Variants in DCDC2C observed in about 807,000 individuals in gnomAD.
DCDC2C encodes doublecortin domain containing 2C.
Under a neutral mutation model 45.0 loss-of-function variants are expected in DCDC2C, and 44 were observed. The ratio of observed to expected loss-of-function variants is 0.98; its 90% CI spans 0.77 to 1.26. DCDC2C has a LOEUF of 1.26. Among genes scored for constraint, DCDC2C ranks in the 50% most tolerant of loss-of-function variants. The probability of loss-of-function intolerance (pLI) is 0.00; values close to 1 mark genes in which losing one functional copy is unlikely to be tolerated. For synonymous variants in DCDC2C, 187 were observed against 178.8 expected, an observed-to-expected ratio of 1.05 and a Z score of -0.37; for missense variants, 447 against 468.9, an observed-to-expected ratio of 0.95 and a Z score of 0.43.
At chr2:3,806,892 G>A (rs1671262799) in intron 10 of DCDC2C, among the ~76,000 whole-genome samples, 1 of 152,092 alleles carries the variant, frequency 6.6e-6, no homozygotes, top group African/African-American at 2.4e-5. Flanking sequence ...CTGGGTAGGT[G>A]ATGCTTCCAG....
chr2:3,723,307 T>G (rs1479680451), intron 2 of DCDC2C, among the ~76,000 whole-genome samples: 1 of 152,116 alleles, frequency 6.6e-6, no homozygotes, highest in Non-Finnish European at 1.5e-5. Flanking sequence ...AGAGGCAGGA[T>G]GAAGTGCTTG....
chr2:3,794,527 C>G (rs977681384), intron 10 of DCDC2C, among the ~76,000 whole-genome samples: 1 of 152,172 alleles, frequency 6.6e-6, no homozygotes, highest in Non-Finnish European at 1.5e-5. Flanking sequence ...CCCCCCACCC[C>G]ACAACAGTCC....
At chr2:3,739,083 CAG>C (rs562307687) in intron 3 of DCDC2C, among the ~76,000 whole-genome samples, 2 of 152,128 alleles carry the variant, frequency 1.3e-5, no homozygotes, top group Non-Finnish European at 2.9e-5. Context: ...GTTTATAAAT[CAG>C]AGATTATTGT....
chr2:3,814,230 T>C (rs1025787643), intron 10 of DCDC2C, among the ~76,000 whole-genome samples: 5 of 152,192 alleles, frequency 3.3e-5, no homozygotes, highest in African/African-American at 1.2e-4. Context: ...CTTTTCATTC[T>C]TTTTTCTCTA....
At chr2:3,721,669 C>T (rs1323764281) in intron 2 of DCDC2C, among the ~76,000 whole-genome samples, 2 of 152,194 alleles carry the variant, frequency 1.3e-5, no homozygotes, top group African/African-American at 4.8e-5. Flanking sequence ...AGAACTCCCA[C>T]AATTGAATTG....
intron 8 of DCDC2C, among the ~76,000 whole-genome samples, chr2:3,772,614 G>C (rs10084170): frequency 0.23 from 34,563 of 152,086 alleles, 4,087 homozygotes; most frequent in South Asian, 0.35. Context: ...CTGGGTGTTG[G>C]TCTTCCTGAC....
At chr2:3,731,366 C>A (rs1668862454) in intron 3 of DCDC2C, among the ~76,000 whole-genome samples, 1 of 152,186 alleles carries the variant, frequency 6.6e-6, no homozygotes, top group African/African-American at 2.4e-5. Context: ...ATTTGAAGGT[C>A]AGCACTGGCC....
At chr2:3,705,504 T>C (rs1273587451) in intron 1 of DCDC2C, among the ~76,000 whole-genome samples, 1 of 152,254 alleles carries the variant, frequency 6.6e-6, no homozygotes, top group Non-Finnish European at 1.5e-5. Flanking sequence ...CTACAAAAAC[T>C]GCCTTTAAAG....
At chr2:3,781,366 C>T (rs562520933) in intron 9 of DCDC2C, among the ~76,000 whole-genome samples, 15 of 152,236 alleles carry the variant, frequency 9.9e-5, no homozygotes, top group African/African-American at 3.4e-4. Flanking sequence ...ATATGATTGC[C>T]GGCTTGACCT....
intron 10 of DCDC2C, among the ~76,000 whole-genome samples, chr2:3,841,276 C>G (rs1672207755): frequency 6.7e-6 from 1 of 150,362 alleles, no homozygotes; most frequent in Non-Finnish European, 1.5e-5. Flanking sequence ...AGAAAACCAA[C>G]AGAGCACACA....
intron 5 of DCDC2C, among the ~76,000 whole-genome samples, chr2:3,753,888 G>C (rs1442097396): frequency 6.6e-6 from 1 of 152,170 alleles, no homozygotes; most frequent in African/African-American, 2.4e-5. Context: ...GGTTAGGTTA[G>C]AGTCCCACCT....
intron 2 of DCDC2C, among the ~76,000 whole-genome samples, chr2:3,720,218 G>A (rs1020404940): frequency 1.4e-4 from 21 of 152,214 alleles, no homozygotes; most frequent in African/African-American, 4.8e-4. Flanking sequence ...TTTAAGAATC[G>A]TTGCCAGCCA....
Position 3,733,566 on chromosome 2 carries a change from G to T in DCDC2C, c.416+6487G>T, listed in dbSNP as rs1174056593. Among the ~76,000 whole-genome samples the T allele has an allele frequency of 2.0e-5, 3 of 152,180 alleles. No homozygotes were observed. The East Asian group carries it at 5.8e-4, about 29-fold the overall frequency. ...CAGAAATTTTTTGCCCACAGTTCTG[G>T]AGGCTGGGAAGTCCGAGATTGAGGT... On this transcript the variant is annotated intron_variant, in intron 3 of 10. Transcript: ENST00000399143.
At chr2:3,750,871 C>T (rs114057713) in intron 4 of DCDC2C, among the ~76,000 whole-genome samples, 14 of 152,084 alleles carry the variant, frequency 9.2e-5, no homozygotes, top group Non-Finnish European at 1.6e-4. Context: ...CACATCTGCT[C>T]ACCCTCATCT....
At chr2:3,747,925 G>T (rs975989673) in intron 4 of DCDC2C, among the ~76,000 whole-genome samples, 1 of 152,142 alleles carries the variant, frequency 6.6e-6, no homozygotes. Context: ...TGGTCAGGGC[G>T]GGCTTCTCTG....
At chr2:3,816,300 A>G (rs796757162) in intron 10 of DCDC2C, among the ~76,000 whole-genome samples, 10 of 9,114 alleles carry the variant, frequency 1.1e-3, no homozygotes, top group African/African-American at 4.8e-3. Context: ...ATCCAATTAG[A>G]GAGTGCCCAA....
intron 3 of DCDC2C, among the ~76,000 whole-genome samples, chr2:3,740,392 T>G (rs1248283253): frequency 6.6e-6 from 1 of 152,226 alleles, no homozygotes; most frequent in African/African-American, 2.4e-5. Flanking sequence ...TGCCAAAGTG[T>G]CCTTCAAGAA....
At chr2:3,787,830 C>G (rs568441700) in intron 10 of DCDC2C, among the ~76,000 whole-genome samples, 5 of 152,270 alleles carry the variant, frequency 3.3e-5, no homozygotes, top group Non-Finnish European at 7.4e-5. Context: ...TGAAACTTGT[C>G]AAATAATAGA....
chr2:3,709,064 T>G (rs973520367), intron 2 of DCDC2C, among the ~76,000 whole-genome samples: 1 of 152,254 alleles, frequency 6.6e-6, no homozygotes, highest in Admixed American at 6.5e-5. Flanking sequence ...CATTTGATTC[T>G]TAGTAAAAAT....
Sources: allele counts gnomAD v4.1 joint callset (sites outside exome capture counted in the v4.1 genomes callset), GRCh38; gene constraint gnomAD v4.1.1; transcripts MANE v1.5; gene names NCBI Gene and HGNC (gene_info 2026-07-23, HGNC 2026-07-21).